The following PLEKHG7 variants were observed in gnomAD, a reference collection of about 807,000 sequenced individuals.
PLEKHG7 encodes the protein pleckstrin homology and RhoGEF domain containing G7, also known as pleckstrin homology domain-containing family G member 7.
Under a neutral mutation model 85.2 loss-of-function variants are expected in PLEKHG7, and 77 were observed. The ratio of observed to expected loss-of-function variants is 0.90; its 90% CI spans 0.75 to 1.09. The LOEUF is 1.09. Ranked by LOEUF, PLEKHG7 falls within the 50% of genes least tolerant of loss-of-function variation. The probability of loss-of-function intolerance (pLI) is 0.00; values close to 1 mark genes in which losing one functional copy is unlikely to be tolerated. For missense variants in PLEKHG7, 777 were observed against 804.3 expected (o/e 0.97, Z 0.41); for synonymous variants, 301 against 302.4 (o/e 1.00, Z 0.05).
chr12:92,761,666 GAAA>G (rs1873030103), intron 13 of PLEKHG7, 83 bp from the exon 14 acceptor site: 1 of 1,339,802 alleles, frequency 7.5e-7, no homozygotes, highest in African/African-American at 1.6e-5. Context: ...AAGAAAGAAA[GAAA>G]GAAAGAAAGA....
At chr12:92,703,745 G>A (rs1325689255) in intron 1 of PLEKHG7, among the ~76,000 whole-genome samples, 1 of 152,226 alleles carries the variant, frequency 6.6e-6, no homozygotes, top group Non-Finnish European at 1.5e-5. Context: ...AGTGCATCAT[G>A]TCGGCAGTTA....
chr12:92,761,519 T>C (rs1165935168), intron 13 of PLEKHG7, among the ~76,000 whole-genome samples: 1 of 147,438 alleles, frequency 6.8e-6, no homozygotes, highest in Non-Finnish European at 1.5e-5. Flanking sequence ...TTTTGTTTTC[T>C]AAGGAATTCA....
rs1592670282 is a variant in PLEKHG7 at position 92,706,606 on chromosome 12, T to C, written c.-26T>C. ...AACTCATACGTCTTCTGGAACCTTC[T>C]ACCAACAGTAGAACCTCTTAGCTTT... On this transcript the variant is annotated 5_prime_UTR_variant, in exon 2 of 17. Coordinates refer to ENST00000344636, the MANE Select transcript of PLEKHG7 (RefSeq NM_001377329.1). 3 of 1,566,528 alleles carry C rather than the reference T, an allele frequency of 1.9e-6. No homozygotes were observed. Among genetic ancestry groups the C allele is most frequent in the Non-Finnish European group, 8.6e-7 (1 of 1,158,106 alleles).
At chr12:92,719,996 G>C (rs933832815) in intron 3 of PLEKHG7, among the ~76,000 whole-genome samples, 7 of 152,216 alleles carry the variant, frequency 4.6e-5, no homozygotes, top group Non-Finnish European at 8.8e-5. Flanking sequence ...GACAGGCCAA[G>C]GTCACAGTTG....
At chr12:92,747,598 C>A (rs1872569072) in intron 10 of PLEKHG7, among the ~76,000 whole-genome samples, 1 of 152,196 alleles carries the variant, frequency 6.6e-6, no homozygotes, top group South Asian at 2.1e-4. Context: ...CAAAGGAATA[C>A]CTGCTCCTCC....
chr12:92,716,105 TG>T (rs766342897), intron 3 of PLEKHG7, among the ~76,000 whole-genome samples: 29 of 148,970 alleles, frequency 1.9e-4, no homozygotes, highest in Non-Finnish European at 3.6e-4. Context: ...TGTTTTGTTT[TG>T]TTTTTTTTGA....
At chr12:92,741,030 T>A (rs1872340588) in intron 8 of PLEKHG7, 82 bp downstream of exon 8, 8 of 944,122 alleles carry the variant, frequency 8.5e-6, no homozygotes, top group Non-Finnish European at 1.0e-5. Context: ...TTATGGCTTG[T>A]ATGCCATAAT....
At chr12:92,739,991 TG>T (rs1872302212) in intron 7 of PLEKHG7, among the ~76,000 whole-genome samples, 1 of 152,082 alleles carries the variant, frequency 6.6e-6, no homozygotes, top group Admixed American at 6.5e-5. Context: ...CAGATGAGGG[TG>T]GGGGCCCAGC....
chr12:92,764,067 A>T lies in PLEKHG7; in HGVS notation c.1743A>T (p.Leu581Phe). 6.2e-7 allele frequency: 1 copy of T among 1,610,356 alleles called. No individual in the cohort carries two copies. The highest frequency in any genetic ancestry group is 8.5e-7 in the Non-Finnish European group (1 of 1,178,002). Residue 581 changes from leucine (L) to phenylalanine (F), a missense_variant, in exon 15 of 17, where the codon TTA becomes TTT. Leu to Phe is a conservative substitution (Grantham distance 22). Coordinates refer to ENST00000344636, the MANE Select transcript of PLEKHG7 (RefSeq NM_001377329.1). Reference protein sequence around the residue: ...KKKLGGSDPGLMCPSLTPELQ... With the variant: ...KKKLGGSDPGFMCPSLTPELQ... ...AACTTGGAGGCTCAGACCCTGGTTT[A>T]ATGTGTCCTTCTCTTACTCCTGAGT...
In PLEKHG7 at chr12:92,754,205, T is replaced by C. The variant is rs1455722466; in HGVS notation, c.1367T>C (p.Met456Thr). 3.7e-6 allele frequency: 6 copies of C among 1,614,036 alleles called. No individual in the cohort carries two copies. The highest frequency in any genetic ancestry group is 1.7e-4 in the Middle Eastern group (1 of 6,060). Residue 456 changes from methionine to threonine, a missense_variant, in exon 11 of 17, where the codon ATG becomes ACG. Physicochemically the swap from Met to Thr is moderately conservative, Grantham distance 81. Around this residue, in one of 3 missense-constraint regions of PLEKHG7, gnomAD observed 520 missense variants for 544.0 expected, o/e 0.96. Coordinates refer to ENST00000344636, the MANE Select transcript of PLEKHG7 (RefSeq NM_001377329.1). ...CTGAAGAATATCTGGAAAAGGAGCA[T>C]GGACTCTGCTGAGAAAATCATGATC... ...LLLKNIWKRS[M>T]DSAEKIMIYS...
At chr12:92,714,365 C>T (rs1871426421) in intron 3 of PLEKHG7, among the ~76,000 whole-genome samples, 1 of 152,126 alleles carries the variant, frequency 6.6e-6, no homozygotes, top group Non-Finnish European at 1.5e-5. Context: ...CTCAGTGTCC[C>T]CAGCTTCATC....
rs777157987 is a variant in PLEKHG7, at chr12:92,755,985, T to G, written c.1542+45T>G. On this transcript the variant is annotated intron_variant, in intron 12 of 16. Transcript: ENST00000344636. Reference sequence around the variant, plus strand: ...TAGGACTTATGTCCATTTCTGGAATTTGGGCATTCAGATAGAAATACAATC... The same window carrying G: ...TAGGACTTATGTCCATTTCTGGAATGTGGGCATTCAGATAGAAATACAATC... 2.2e-6 allele frequency: 3 copies of G among 1,349,836 alleles called. No homozygotes were observed. Among genetic ancestry groups the G allele is most frequent in the Non-Finnish European group, 3.1e-6 (3 of 957,044 alleles). 83.6% of individuals were successfully genotyped at this position (1,349,836 alleles called of 1,614,324 possible).
At chr12:92,713,641 C>G (rs1471919217) in intron 3 of PLEKHG7, among the ~76,000 whole-genome samples, 1 of 152,168 alleles carries the variant, frequency 6.6e-6, no homozygotes, top group Non-Finnish European at 1.5e-5. Context: ...CCTCACAAAT[C>G]TATTTCACAA....
At chr12:92,761,638 GAAAGAAAGAAAGAAAGAAA>G (rs1873017474) in intron 13 of PLEKHG7, 95 bp from the exon 14 acceptor site, 1 of 519,452 alleles carries the variant, frequency 1.9e-6, no homozygotes. Context: ...AAGAAAGAAA[GAAAGAAAGAAAGAAAGAAA>G]GAAAGAAAGA....
rs958223814 is a variant in PLEKHG7 at position 92,771,705 on chromosome 12, TAAC to T, written c.*1513_*1515del. On this transcript the variant is annotated 3_prime_UTR_variant, in exon 17 of 17. Transcript: ENST00000344636. ...TTCTGGTTAAAAAAAATTTTTACATTAACAATCATCTTGCAAATGTTTAGATAT... is the reference window on the plus strand; with the variant it reads ...TTCTGGTTAAAAAAAATTTTTACATTAATCATCTTGCAAATGTTTAGATAT... 1 of 152,012 alleles carries T rather than the reference TAAC, an allele frequency of 6.6e-6. No homozygotes were observed. The highest frequency in any genetic ancestry group is 2.4e-5 in the African/African-American group (1 of 41,428). The allele number at this position is 152,012 out of a possible 1,614,324, so 9.4% of individuals were successfully genotyped here.
At position 92,706,378 on chromosome 12, in the gene PLEKHG7, T is replaced by C. The variant is rs547307483; in HGVS notation, c.-161-93T>C. The C allele has an allele frequency of 2.1e-4, 92 of 437,198 alleles. 2 individuals are homozygous for C. The highest frequency in any genetic ancestry group is 1.7e-3 in the African/African-American group (87 of 50,314). 27.1% of individuals were successfully genotyped at this position (437,198 alleles called of 1,614,324 possible). On this transcript the variant is annotated intron_variant, in intron 1 of 16. Transcript: ENST00000344636. ...ACTGAGCTCTATTGCCTATGAAGAATTAGAAGTTTTCCTTTGAAATTTTAG... is the reference window on the plus strand; with the variant it reads ...ACTGAGCTCTATTGCCTATGAAGAACTAGAAGTTTTCCTTTGAAATTTTAG...
chr12:92,768,652 A>G (rs1476152075), intron 15 of PLEKHG7, among the ~76,000 whole-genome samples: 1 of 152,206 alleles, frequency 6.6e-6, no homozygotes, highest in African/African-American at 2.4e-5. Flanking sequence ...CTATATTTTC[A>G]TACACAAAAA....
intron 10 of PLEKHG7, 58 bp from the exon 11 acceptor site, chr12:92,754,032 C>G (rs9669216): frequency 0.12 from 189,515 of 1,555,516 alleles, 13,914 homozygotes; most frequent in African/African-American, 0.31. Context: ...ATCCAGGCTT[C>G]TTAGTGGCTC....
chr12:92,738,898 T>G (rs1005798317), intron 7 of PLEKHG7, among the ~76,000 whole-genome samples: 17 of 152,202 alleles, frequency 1.1e-4, no homozygotes, highest in Non-Finnish European at 2.4e-4. Context: ...AGGAGAAAAC[T>G]GAAATTTAGA....
Sources: gnomAD v4.1 joint callset for allele counts (sites outside exome capture counted in the v4.1 genomes callset) on GRCh38, gnomAD v4.1.1 for gene constraint, gnomAD v4.1.1 regional missense constraint, MANE v1.5 for transcripts, NCBI Gene and HGNC (gene_info 2026-07-23, HGNC 2026-07-21) for gene names.